The following MIDEAS variants were observed in gnomAD, a reference collection of about 807,000 sequenced individuals.
MIDEAS encodes mitotic deacetylase associated SANT domain protein.
In MIDEAS, 26 loss-of-function variants were observed where a neutral mutation model predicts 102.7. That is an observed-to-expected ratio of 0.25 (90% CI 0.19 to 0.35). The LOEUF is 0.35. Ranked by LOEUF, MIDEAS falls within the 10% of genes least tolerant of loss-of-function variation. The pLI, the probability that MIDEAS is intolerant of heterozygous loss-of-function variation, is 1.00. For synonymous variants in MIDEAS, 585 were observed against 591.0 expected (o/e 0.99, Z 0.15); for missense variants, 1,231 against 1,435.6 (o/e 0.86, Z 2.30).
Position 73,721,461 on chromosome 14 carries a change from T to C in MIDEAS, c.2773A>G (p.Ser925Gly), listed in dbSNP as rs60635070. ...RVPLPRRESPSEERLEPKREV... is the reference protein window; with the variant it reads ...RVPLPRRESPGEERLEPKREV... ...CTCTTGGGCTCCAGCCTCTCTTCAC[T>C]TGGGGACTCTCTTCTGGGAAGAGGC... is the stretch of plus-strand genomic sequence containing the variant. The change falls in exon 11 of 13, where the codon AGT becomes GGT. Residue 925 changes from serine (S) to glycine (G), a missense_variant. Around this residue, in one of 5 missense-constraint regions of MIDEAS, gnomAD observed 391 missense variants for 483.0 expected, o/e 0.81. Coordinates refer to ENST00000423556, the MANE Select transcript of MIDEAS (RefSeq NM_001367710.1). 0.024 allele frequency: 38,808 copies of C among 1,614,058 alleles called. 1,973 individuals carry two copies. Among genetic ancestry groups the C allele is most frequent in the African/African-American group, 0.21 (15,566 of 74,932 alleles).
At chr14:73,722,890 C>CTCA (rs769489081) in intron 9 of MIDEAS, 43 bp from the exon 10 acceptor site, 5 of 1,602,306 alleles carry the variant, frequency 3.1e-6, no homozygotes, top group East Asian at 4.5e-5. Context: ...TCTGGTTTGG[C>CTCA]TCATCTGCCT....
At chr14:73,733,657 A>G (rs1298494577) in intron 3 of MIDEAS, among the ~76,000 whole-genome samples, 1 of 152,208 alleles carries the variant, frequency 6.6e-6, no homozygotes, top group African/African-American at 2.4e-5. Flanking sequence ...GGAAGAGCTA[A>G]AAGTACTAAC....
At chr14:73,763,869 A>C (rs1320898611), upstream of MIDEAS, among the ~76,000 whole-genome samples, 1 of 151,248 alleles carries the variant, frequency 6.6e-6, no homozygotes, top group Non-Finnish European at 1.5e-5. Context: ...GCACTGTTTA[A>C]GTGTTCATTG....
At chr14:73,773,515 T>G (rs1217350957) in intron 1 of MIDEAS, among the ~76,000 whole-genome samples, 4 of 151,702 alleles carry the variant, frequency 2.6e-5, no homozygotes, top group Non-Finnish European at 5.9e-5. Context: ...CCTCCACCAC[T>G]CAGGTTTCTC....
chr14:73,773,790 A>G lies in MIDEAS; in HGVS notation c.-248+13312T>C, dbSNP rs540516873. On this transcript the variant is annotated intron_variant, in intron 1 of 11. Transcript: ENST00000394071. The stretch of plus-strand genomic sequence containing the variant: ...GTAATCTCAGCACTTTGGGAGGCTG[A>G]GGCGGGTGGATCACTTGAGGTCACG... 7.2e-5 allele frequency among the ~76,000 whole-genome samples: 11 copies of G among 152,004 alleles called. No homozygotes were observed. In the South Asian group the frequency reaches 1.7e-3, roughly 23 times the overall value.
rs1046328618 is a variant in MIDEAS at position 73,736,857 on chromosome 14, G to T, written c.1749+141C>A. On this transcript the variant is annotated intron_variant, in intron 3 of 12. Transcript: ENST00000423556. ...GCCCCTTCTGGACGTCTGTCCAGAA[G>T]TTTGGTTTGGAAAATAAAAATAGTA... 7 of 831,332 alleles carry T rather than the reference G, an allele frequency of 8.4e-6. No individual in the cohort carries two copies. In the Admixed American group the frequency reaches 1.2e-4, roughly 14 times the overall value. 51.5% of individuals were successfully genotyped at this position (831,332 alleles called of 1,614,324 possible).
At chr14:73,755,914 C>T (rs1484955729) in intron 1 of MIDEAS, among the ~76,000 whole-genome samples, 1 of 152,146 alleles carries the variant, frequency 6.6e-6, no homozygotes, top group African/African-American at 2.4e-5. Context: ...TAGTATGTGT[C>T]ATTCACTCTG....
At chr14:73,786,912 AACACCGGCGCAGCCCGGCGCCCCG>A (rs1350668976) in intron 1 of MIDEAS, among the ~76,000 whole-genome samples, 1 of 151,800 alleles carries the variant, frequency 6.6e-6, no homozygotes, top group Non-Finnish European at 1.5e-5. Flanking sequence ...AAGCGGCGAC[AACACCGGCGCAGCCCGGCGCCCCG>A]ACCCCGGCCG....
intron 2 of MIDEAS, among the ~76,000 whole-genome samples, chr14:73,737,852 G>T (rs2053223399): frequency 6.8e-6 from 1 of 146,346 alleles, no homozygotes; most frequent in Admixed American, 6.9e-5. Flanking sequence ...CACAATCTTG[G>T]TTCACTGCAA....
At chr14:73,744,389 C>T (rs551108506) in intron 1 of MIDEAS, among the ~76,000 whole-genome samples, 3 of 152,332 alleles carry the variant, frequency 2.0e-5, no homozygotes, top group African/African-American at 4.8e-5. Context: ...GCCACACAGA[C>T]CAGGGAGGAG....
Position 73,725,459 on chromosome 14 carries a change from G to T in MIDEAS, c.2486-99C>A. 4 of 947,174 alleles carry T rather than the reference G, an allele frequency of 4.2e-6. No individual in the cohort carries two copies. The highest frequency in any genetic ancestry group is 1.6e-5 in the African/African-American group (1 of 62,138). 58.7% of individuals were successfully genotyped at this position (947,174 alleles called of 1,614,324 possible). A position where few individuals can be genotyped will look rare whatever the true frequency, so the allele number is the denominator to read the frequency against. On this transcript the variant is annotated intron_variant, in intron 8 of 12. Coordinates refer to ENST00000423556, the MANE Select transcript of MIDEAS (RefSeq NM_001367710.1). The surrounding 1 kb of genome is among the most constrained non-coding windows in gnomAD (Gnocchi z 4.1). ...AAAAAGTGTGAGGCCATCCGCCCAT[G>T]GTTTCTGCAGGCATCAGAGCCGGCT...
chr14:73,788,740 A>G (rs1432760606), upstream of MIDEAS, among the ~76,000 whole-genome samples: 2 of 152,222 alleles, frequency 1.3e-5, no homozygotes, highest in African/African-American at 4.8e-5. Flanking sequence ...TGGTGAAGGG[A>G]TTGCCCATTT....
chr14:73,741,380 G>T (rs1039795165), intron 1 of MIDEAS, among the ~76,000 whole-genome samples: 1 of 151,840 alleles, frequency 6.6e-6, no homozygotes, highest in African/African-American at 2.4e-5. Context: ...TTCCTGGGAA[G>T]TTGGTGGGGG....
intron 1 of MIDEAS, among the ~76,000 whole-genome samples, chr14:73,784,909 G>C (rs986452078): frequency 1.3e-5 from 2 of 152,166 alleles, no homozygotes; most frequent in Admixed American, 1.3e-4. Context: ...CTAATCTTTT[G>C]GTTTGACAAA....
rs1450807084 is a variant in MIDEAS, at chr14:73,738,758, T to C, written c.1251A>G (p.Ala417=). The C allele has an allele frequency of 1.9e-6, 3 of 1,604,980 alleles. No individual in the cohort carries two copies. In the South Asian group the frequency reaches 3.3e-5, roughly 18 times the overall value. ...GAGCCTCTCGCTCCCGGCCATTGGG[T>C]GCTAGTCTCTCCCCATCAGGCAGTA... is the stretch of plus-strand genomic sequence containing the variant. ...SQLLPDGERL[A]PNGREREAPA... Residue 417 remains alanine, a synonymous_variant, in exon 2 of 13, where the codon GCA becomes GCG. Coordinates refer to ENST00000423556, the MANE Select transcript of MIDEAS (RefSeq NM_001367710.1).
At position 73,737,174 on chromosome 14, in the gene MIDEAS, G is replaced by A; in HGVS notation, c.1573C>T (p.Leu525Phe). The change falls in exon 3 of 13, where the codon CTC becomes TTC. Residue 525 changes from leucine to phenylalanine, a missense_variant. Leu to Phe is a conservative substitution (Grantham distance 22). This residue lies in a region of MIDEAS where 758 missense variants were observed against 856.0 expected (regional missense o/e 0.89). Coordinates refer to ENST00000423556, the MANE Select transcript of MIDEAS (RefSeq NM_001367710.1). ...ACAGGCACAGACACTGGGATGATGA[G>A]GGGTACCATCCCACTGTCTTCTCGT... is the stretch of plus-strand genomic sequence containing the variant. ...RAREDSGMVP[L>F]IIPVSVPVRT... 1.2e-6 allele frequency: 2 copies of A among 1,614,136 alleles called. No homozygotes were observed. Among genetic ancestry groups the A allele is most frequent in the Non-Finnish European group, 8.5e-7 (1 of 1,180,014 alleles).
At chr14:73,750,316 C>T (rs772260919) in intron 1 of MIDEAS, among the ~76,000 whole-genome samples, 2 of 152,166 alleles carry the variant, frequency 1.3e-5, no homozygotes, top group Admixed American at 6.5e-5. Flanking sequence ...AAATCTACAC[C>T]GGTGGGCCTC....
intron 10 of MIDEAS, among the ~76,000 whole-genome samples, chr14:73,721,946 C>T (rs1325675473): frequency 5.3e-5 from 8 of 152,204 alleles, no homozygotes; most frequent in Admixed American, 6.5e-5. Flanking sequence ...TGTCACCAAG[C>T]GTGGATTTGC....
At chr14:73,788,264 C>T (rs1340168245), upstream of MIDEAS, among the ~76,000 whole-genome samples, 1 of 152,030 alleles carries the variant, frequency 6.6e-6, no homozygotes, top group East Asian at 1.9e-4. Flanking sequence ...ATAGGTGGTT[C>T]AAAAGCATCA....
Sources: gnomAD v4.1 joint callset for allele counts (sites outside exome capture counted in the v4.1 genomes callset) on GRCh38, gnomAD v4.1.1 for gene constraint, gnomAD v4.1.1 regional missense constraint, Gnocchi (gnomAD v3.1) non-coding constraint, MANE v1.5 for transcripts, NCBI Gene and HGNC (gene_info 2026-07-23, HGNC 2026-07-21) for gene names.